The following LAT2 variants were observed in gnomAD, a reference collection of about 807,000 sequenced individuals.
LAT2 encodes the protein linker for activation of T cells family member 2, also known as linker for activation of T-cells family member 2.
Under a neutral mutation model 43.4 loss-of-function variants are expected in LAT2, and 23 were observed. The observed-to-expected ratio is 0.53, with a 90% CI of 0.38 to 0.75. The LOEUF (loss-of-function observed/expected upper bound fraction) is 0.75, where lower values mean the gene tolerates loss of function less well. Ranked by LOEUF, LAT2 falls within the 30% of genes least tolerant of loss-of-function variation. The probability of loss-of-function intolerance (pLI) is 0.00; values close to 1 mark genes in which losing one functional copy is unlikely to be tolerated. For missense variants in LAT2, 284 were observed against 310.2 expected (o/e 0.92, Z 0.64); for synonymous variants, 128 against 123.2 (o/e 1.04, Z -0.26).
chr7:74,217,276 C>T (rs1262781253), intron 4 of LAT2, among the ~76,000 whole-genome samples: 1 of 151,976 alleles, frequency 6.6e-6, no homozygotes, highest in East Asian at 1.9e-4. Flanking sequence ...TACTAAAATA[C>T]AAAAATGAGC....
At chr7:74,214,789 A>ATTTT (rs1228293311) in intron 1 of LAT2, 33 bp from the exon 2 acceptor site, 1 of 89,458 alleles carries the variant, frequency 1.1e-5, no homozygotes, top group East Asian at 2.9e-4. Flanking sequence ...ATATATATAT[A>ATTTT]TATTTTTTTT....
At chr7:74,214,127 AATATATATATGAAAATATATATAAAT>A (rs1563966688) in intron 1 of LAT2, among the ~76,000 whole-genome samples, 2 of 59,558 alleles carry the variant, frequency 3.4e-5, no homozygotes, top group East Asian at 6.3e-4. Context: ...TATATATATA[AATATATATATGAAAATATATATAAAT>A]ATATATATGA....
In LAT2 at chr7:74,220,722, A is replaced by G; in HGVS notation, c.320A>G (p.Glu107Gly). 1 of 1,603,964 alleles carries G rather than the reference A, an allele frequency of 6.2e-7. No homozygotes were observed. The highest frequency in any genetic ancestry group is 8.5e-7 in the Non-Finnish European group (1 of 1,172,726). The change falls in exon 9 of 14, where the codon GAG becomes GGG. Residue 107 changes from glutamate to glycine, a missense_variant. Transcript: ENST00000460943. This position sits in a 1 kb window ranked among gnomAD's most constrained non-coding sequence, Gnocchi z 4.5. ...CCCGCAGGAAGCAGACACGGGTCGGAGGAAGCCTACATGTGAGTGACCTTG... is the reference window on the plus strand; with the variant it reads ...CCCGCAGGAAGCAGACACGGGTCGGGGGAAGCCTACATGTGAGTGACCTTG... ...NFSKGSRHGSEEAYIDPIAME... is the reference protein window; with the variant it reads ...NFSKGSRHGSGEAYIDPIAME...
intron 1 of LAT2, among the ~76,000 whole-genome samples, chr7:74,214,064 AT>A (rs1801841504): frequency 7.5e-6 from 1 of 132,488 alleles, no homozygotes; most frequent in Non-Finnish European, 1.5e-5. Flanking sequence ...ATATGAAAAA[AT>A]ATATATAAAT....
intron 10 of LAT2, among the ~76,000 whole-genome samples, chr7:74,222,870 A>G (rs1802343715): frequency 6.6e-6 from 1 of 152,142 alleles, no homozygotes; most frequent in African/African-American, 2.4e-5. Flanking sequence ...CCACCCCGCC[A>G]GGCTGGCAGT....
At chr7:74,227,298 T>G (rs180838928) in intron 13 of LAT2, among the ~76,000 whole-genome samples, 6 of 152,166 alleles carry the variant, frequency 3.9e-5, no homozygotes, top group Non-Finnish European at 5.9e-5. Flanking sequence ...CTCGGCTCAC[T>G]GCAACCTCTG....
chr7:74,226,403 T>A (rs1554716127), intron 13 of LAT2: 2 of 151,904 alleles, frequency 1.3e-5, no homozygotes, highest in African/African-American at 4.8e-5. Context: ...GCCTGGGAGG[T>A]CAAGGTTGCA....
At chr7:74,225,984 T>G (rs1312897057) in intron 13 of LAT2, 1 of 152,206 alleles carries the variant, frequency 6.6e-6, no homozygotes, top group Non-Finnish European at 1.5e-5. Context: ...CCTTAGAACT[T>G]GCATTCTGGT....
chr7:74,210,726 T>A (rs1359395336), intron 1 of LAT2, among the ~76,000 whole-genome samples: 1 of 152,094 alleles, frequency 6.6e-6, no homozygotes, highest in Non-Finnish European at 1.5e-5. Flanking sequence ...GGCGGGAGGA[T>A]CATTTGAAGT....
chr7:74,216,715 G>A, intron 3 of LAT2, 110 bp from the exon 4 acceptor site: 1 of 819,574 alleles, frequency 1.2e-6, no homozygotes, highest in South Asian at 1.5e-5. Context: ...TGACAGTTTG[G>A]CCCCCAAGTC....
intron 13 of LAT2, chr7:74,226,633 T>C (rs1802498444): frequency 6.5e-6 from 1 of 152,700 alleles, no homozygotes; most frequent in South Asian, 2.1e-4. Context: ...ACAGCCAGGA[T>C]GACAGAGTGA....
intron 13 of LAT2, among the ~76,000 whole-genome samples, chr7:74,228,622 A>G (rs1303245310): frequency 1.2e-4 from 17 of 144,802 alleles, no homozygotes; most frequent in Non-Finnish European, 7.6e-5. Context: ...TGTCTCTACT[A>G]AAAATACAAA....
At chr7:74,214,799 T>A (rs1388046615) in intron 1 of LAT2, 23 bp from the exon 2 acceptor site, 22 of 115,030 alleles carry the variant, frequency 1.9e-4, no homozygotes, top group African/African-American at 5.9e-4. Flanking sequence ...ATATTTTTTT[T>A]TTTTTTTGTA....
chr7:74,223,872 C>T (rs1236174808), intron 11 of LAT2, 89 bp downstream of exon 11: 73 of 1,490,744 alleles, frequency 4.9e-5, no homozygotes, highest in South Asian at 1.7e-4. Flanking sequence ...GCTCAAAGGC[C>T]GCCCCCACTT....
At chr7:74,210,932 G>A (rs898025708) in intron 1 of LAT2, among the ~76,000 whole-genome samples, 19 of 152,102 alleles carry the variant, frequency 1.2e-4, no homozygotes, top group African/African-American at 4.1e-4. Context: ...AGCTCAGCTC[G>A]GAGAAGGCTG....
At chr7:74,228,659 T>G (rs1312959876) in intron 13 of LAT2, among the ~76,000 whole-genome samples, 13 of 123,234 alleles carry the variant, frequency 1.1e-4, no homozygotes, top group South Asian at 2.7e-4. Flanking sequence ...TAGCTGGGCG[T>G]GGTGGCGTAG....
intron 13 of LAT2, chr7:74,226,636 C>G (rs1405630352): frequency 6.6e-6 from 1 of 152,572 alleles, no homozygotes; most frequent in African/African-American, 2.4e-5. Context: ...GCCAGGATGA[C>G]AGAGTGAGAC....
In LAT2 at chr7:74,220,406, C is replaced by G; in HGVS notation, c.265+152C>G. The G allele has an allele frequency of 8.1e-7, 1 of 1,234,920 alleles. No individual in the cohort carries two copies. Among genetic ancestry groups the G allele is most frequent in the Non-Finnish European group, 1.2e-6 (1 of 861,892 alleles). The allele number at this position is 1,234,920 out of a possible 1,614,324, so 76.5% of individuals were successfully genotyped here. ...CACACAGGCTGGGGCAGGGCAGGCT[C>G]CTGGAATCGGCCTGGCAGGGGGAGG... On this transcript the variant is annotated intron_variant, in intron 7 of 13. Transcript: ENST00000460943. This position sits in a 1 kb window ranked among gnomAD's most constrained non-coding sequence, Gnocchi z 4.5.
At chr7:74,211,302 A>C (rs1187624872) in intron 1 of LAT2, among the ~76,000 whole-genome samples, 4 of 152,128 alleles carry the variant, frequency 2.6e-5, no homozygotes, top group Non-Finnish European at 5.9e-5. Context: ...TTTTAAACGG[A>C]GTCTCACTCT....
Sources: allele counts gnomAD v4.1 joint callset (sites outside exome capture counted in the v4.1 genomes callset), GRCh38; gene constraint gnomAD v4.1.1; non-coding constraint Gnocchi (gnomAD v3.1); transcripts MANE v1.5; gene names NCBI Gene and HGNC (gene_info 2026-07-23, HGNC 2026-07-21).